The following ACSL5 variants were observed in gnomAD, a reference collection of about 807,000 sequenced individuals.
The protein encoded by ACSL5 is acyl-CoA synthetase long chain family member 5.
A neutral mutation model predicts 84.9 loss-of-function variants in ACSL5; 50 were observed. That is an observed-to-expected ratio of 0.59 (90% CI 0.47 to 0.75). The LOEUF (loss-of-function observed/expected upper bound fraction) is 0.75, where lower values mean the gene tolerates loss of function less well. Among genes scored for constraint, ACSL5 ranks in the 30% least tolerant of loss-of-function variants. ACSL5 has a pLI of 0.00. For missense variants in ACSL5, 775 were observed against 830.4 expected (o/e 0.93, Z 0.82); for synonymous variants, 280 against 300.7 (o/e 0.93, Z 0.71).
chr10:112,424,532 A>G (rs1338788196), intron 17 of ACSL5: 1 of 152,246 alleles, frequency 6.6e-6, no homozygotes, highest in African/African-American at 2.4e-5. Flanking sequence ...CTAGGATGTA[A>G]GCAACAGATA....
chr10:112,395,791 A>G (rs1312327997), intron 2 of ACSL5: 1 of 152,238 alleles, frequency 6.6e-6, no homozygotes, highest in African/African-American at 2.4e-5. Context: ...TCTTCAGAGA[A>G]AAAAGCATTC....
chr10:112,408,889 C>T (rs1844114317), intron 6 of ACSL5: 1 of 186,904 alleles, frequency 5.4e-6, no homozygotes, highest in Non-Finnish European at 1.1e-5. Context: ...AAATCCAAGT[C>T]AATACAGTTA....
At chr10:112,422,094 A>G in intron 16 of ACSL5, 59 bp downstream of exon 16, 1 of 1,571,086 alleles carries the variant, frequency 6.4e-7, no homozygotes, top group South Asian at 1.1e-5. Flanking sequence ...TATCAGAAAG[A>G]GCAAATAATT....
rs1273879355 is a variant in ACSL5 at position 112,421,591 on chromosome 10, A to G, written c.1315-2A>G. 4 of 1,613,800 alleles carry G rather than the reference A, an allele frequency of 2.5e-6. No individual in the cohort carries two copies. The highest frequency in any genetic ancestry group is 3.4e-6 in the Non-Finnish European group (4 of 1,179,656). ...TCTAAAAGCTCTTCTTTGGTTTCCCAGGTGTATGAAGCTTATGGTCAAACA... is the reference window on the plus strand; with the variant it reads ...TCTAAAAGCTCTTCTTTGGTTTCCCGGGTGTATGAAGCTTATGGTCAAACA... On this transcript the variant is annotated splice_acceptor_variant, in intron 14 of 20. Transcript: ENST00000354655. LOFTEE classifies it high-confidence loss of function.
intron 3 of ACSL5, among the ~76,000 whole-genome samples, chr10:112,404,216 C>A (rs1843975889): frequency 6.6e-6 from 1 of 152,174 alleles, no homozygotes; most frequent in Non-Finnish European, 1.5e-5. Context: ...TGTGGGCTAA[C>A]CCCATATGGA....
chr10:112,411,627 T>TACACACACACACACACAC, intron 10 of ACSL5, 98 bp downstream of exon 10: 2 of 820,982 alleles, frequency 2.4e-6, no homozygotes, highest in Non-Finnish European at 1.9e-6. Flanking sequence ...CACACACACA[T>TACACACACACACACACAC]ACACACACAC....
At chr10:112,394,563 T>G (rs1843704628) in intron 1 of ACSL5, among the ~76,000 whole-genome samples, 1 of 152,374 alleles carries the variant, frequency 6.6e-6, no homozygotes, top group Non-Finnish European at 1.5e-5. Flanking sequence ...CATCAGATTA[T>G]GTTGGGTCTA....
intron 20 of ACSL5, among the ~76,000 whole-genome samples, 154 bp downstream of exon 20, chr10:112,427,013 C>T (rs967542799): frequency 3.3e-5 from 5 of 152,098 alleles, no homozygotes; most frequent in East Asian, 1.9e-4. Flanking sequence ...ACTTGTACAG[C>T]GCCCTTTTTT....
At chr10:112,413,135 G>A in intron 11 of ACSL5, 38 bp from the exon 12 acceptor site, 2 of 1,610,436 alleles carry the variant, frequency 1.2e-6, no homozygotes, top group South Asian at 1.1e-5. Flanking sequence ...TAAAGGGGTT[G>A]TTTGCCTCTA....
chr10:112,390,833 T>C (rs1849546685), intron 1 of ACSL5, among the ~76,000 whole-genome samples: 1 of 152,184 alleles, frequency 6.6e-6, no homozygotes, highest in Non-Finnish European at 1.5e-5. Flanking sequence ...ACATATATGG[T>C]TTCATTTATA....
Position 112,390,944 on chromosome 10 carries a change from G to A in ACSL5, c.-29-3974G>A, listed in dbSNP as rs189479253. ...GGTTTGTTAATGGGTTCAGGGTTTC[G>A]TATTTTATGGTGATGAAAATGTTTT... On this transcript the variant is annotated intron_variant, in intron 1 of 20. Coordinates refer to ENST00000354655, the MANE Select transcript of ACSL5 (RefSeq NM_203379.2). 3.7e-4 allele frequency among the ~76,000 whole-genome samples: 56 copies of A among 152,248 alleles called. No homozygotes were observed. In the Middle Eastern group the frequency reaches 0.017, roughly 46 times the overall value.
chr10:112,392,475 C>G (rs1843664654), intron 1 of ACSL5, among the ~76,000 whole-genome samples: 1 of 151,960 alleles, frequency 6.6e-6, no homozygotes, highest in Non-Finnish European at 1.5e-5. Flanking sequence ...GGTACGGTGG[C>G]TCACACCTGT....
intron 3 of ACSL5, among the ~76,000 whole-genome samples, chr10:112,400,195 T>G (rs1219699320): frequency 6.6e-6 from 1 of 152,080 alleles, no homozygotes; most frequent in South Asian, 2.1e-4. Flanking sequence ...TCTAATACAG[T>G]ATAATTTCCT....
At chr10:112,376,422 C>T (rs1156809090) in intron 1 of ACSL5, 2 of 1,614,112 alleles carry the variant, frequency 1.2e-6, no homozygotes, top group South Asian at 1.1e-5. Context: ...TCACTAGAAG[C>T]ACTGAGAGAT....
intron 12 of ACSL5, among the ~76,000 whole-genome samples, chr10:112,416,378 G>A (rs1288190199): frequency 6.6e-6 from 1 of 151,258 alleles, no homozygotes; most frequent in Non-Finnish European, 1.5e-5. Context: ...GGCTGAGGCA[G>A]GAGAATGGCG....
At chr10:112,388,959 T>C (rs1849506540) in intron 1 of ACSL5, among the ~76,000 whole-genome samples, 2 of 152,232 alleles carry the variant, frequency 1.3e-5, no homozygotes, top group South Asian at 4.2e-4. Context: ...GATATATACA[T>C]AGGAAAAATA....
intron 1 of ACSL5, among the ~76,000 whole-genome samples, chr10:112,387,816 C>A (rs1849482439): frequency 6.6e-6 from 1 of 151,292 alleles, no homozygotes; most frequent in Admixed American, 6.6e-5. Context: ...CAATTAAATA[C>A]AAATTAATGA....
intron 14 of ACSL5, chr10:112,419,659 G>A (rs1489622326): frequency 6.6e-6 from 1 of 152,170 alleles, no homozygotes; most frequent in Non-Finnish European, 1.5e-5. Context: ...ATTTGGATTA[G>A]AATAGTCAAC....
At chr10:112,391,615 C>T (rs948215929) in intron 1 of ACSL5, among the ~76,000 whole-genome samples, 3 of 152,290 alleles carry the variant, frequency 2.0e-5, no homozygotes, top group Admixed American at 6.5e-5. Context: ...TGGTCAGTCT[C>T]GTTCTGTTTG....
Sources: gnomAD v4.1 joint callset for allele counts (sites outside exome capture counted in the v4.1 genomes callset) on GRCh38, gnomAD v4.1.1 for gene constraint, MANE v1.5 for transcripts, NCBI Gene and HGNC (gene_info 2026-07-23, HGNC 2026-07-21) for gene names.